The following MSH3 variants were observed in gnomAD, a reference collection of about 807,000 sequenced individuals.
MSH3 encodes DNA mismatch repair protein Msh3.
In MSH3, 106 loss-of-function variants were observed where a neutral mutation model predicts 123.3. The ratio of observed to expected loss-of-function variants is 0.86; its 90% confidence interval spans 0.73 to 1.01. The LOEUF (loss-of-function observed/expected upper bound fraction) is 1.01. MSH3 is among the 50% of genes least tolerant of loss of function. MSH3 has a pLI of 0.00. For missense variants in MSH3, 1,459 were observed against 1,347.6 expected (o/e 1.08, Z -1.29); for synonymous variants, 515 against 481.4 (o/e 1.07, Z -0.91).
intron 2 of MSH3, among the ~76,000 whole-genome samples, chr5:80,657,237 T>A (rs982393943): frequency 1.3e-5 from 2 of 152,110 alleles, no homozygotes; most frequent in African/African-American, 4.8e-5. Context: ...GGTCAGGAGT[T>A]TAAGACCAGC....
At chr5:80,710,957 T>C (rs1750845034) in intron 8 of MSH3, among the ~76,000 whole-genome samples, 1 of 152,192 alleles carries the variant, frequency 6.6e-6, no homozygotes, top group Non-Finnish European at 1.5e-5. Flanking sequence ...TTTAACCTCA[T>C]TGCAGACAGA....
rs572277653 is a variant in MSH3 at position 80,808,734 on chromosome 5, C to T, written c.2656-4850C>T. Among the ~76,000 whole-genome samples, 19 of 151,542 alleles carry T rather than the reference C, an allele frequency of 1.3e-4. No homozygotes were observed. In the South Asian group the frequency reaches 3.7e-3, roughly 30 times the overall value. ...AAATGAAATGCTCAAAGAACATATA[C>T]ATGATTGTATAGTTTTAAAAGCCAG... On this transcript the variant is annotated intron_variant, in intron 19 of 23. Coordinates refer to ENST00000265081, the MANE Select transcript of MSH3 (RefSeq NM_002439.5).
At chr5:80,794,844 A>G (rs1259126129) in intron 19 of MSH3, among the ~76,000 whole-genome samples, 2 of 152,200 alleles carry the variant, frequency 1.3e-5, no homozygotes, top group Non-Finnish European at 2.9e-5. Context: ...TTGAGGACAG[A>G]CAGTGGTAAA....
At chr5:80,797,739 T>C (rs961961608) in intron 19 of MSH3, among the ~76,000 whole-genome samples, 1 of 152,298 alleles carries the variant, frequency 6.6e-6, no homozygotes, top group African/African-American at 2.4e-5. Context: ...AATGGAACAC[T>C]GGATTAAAAG....
At chr5:80,822,854 G>A (rs984739112) in intron 20 of MSH3, among the ~76,000 whole-genome samples, 1 of 152,206 alleles carries the variant, frequency 6.6e-6, no homozygotes, top group Non-Finnish European at 1.5e-5. Context: ...GCTGAGACAT[G>A]CCTTTATCTC....
At chr5:80,772,946 G>A (rs1230127236) in intron 15 of MSH3, among the ~76,000 whole-genome samples, 4 of 152,122 alleles carry the variant, frequency 2.6e-5, no homozygotes, top group Non-Finnish European at 5.9e-5. Context: ...CCTGACTCTC[G>A]CTGTTTTCCC....
chr5:80,783,460 T>A (rs915831071), intron 17 of MSH3, among the ~76,000 whole-genome samples: 2 of 152,150 alleles, frequency 1.3e-5, no homozygotes, highest in Admixed American at 6.5e-5. Flanking sequence ...ATGTTATAGG[T>A]TTATGATAGT....
chr5:80,750,076 A>AGTGTGT (rs1198301474), intron 12 of MSH3, among the ~76,000 whole-genome samples: 1 of 39,858 alleles, frequency 2.5e-5, no homozygotes, highest in Non-Finnish European at 4.1e-5. Context: ...ATAGTATTCC[A>AGTGTGT]GAGTGTGTGT....
intron 12 of MSH3, among the ~76,000 whole-genome samples, chr5:80,750,066 A>C (rs1210170748): frequency 1.9e-5 from 2 of 107,364 alleles, no homozygotes; most frequent in African/African-American, 8.9e-5. Context: ...TTAAGGCTGA[A>C]TAGTATTCCA....
chr5:80,797,373 G>A (rs1194342446), intron 19 of MSH3, among the ~76,000 whole-genome samples: 1 of 152,166 alleles, frequency 6.6e-6, no homozygotes, highest in East Asian at 1.9e-4. Context: ...CACCTAATCA[G>A]ATTTAATAAA....
chr5:80,875,387 G>A (rs1746290438), intron 23 of MSH3, among the ~76,000 whole-genome samples: 1 of 152,084 alleles, frequency 6.6e-6, no homozygotes, highest in Non-Finnish European at 1.5e-5. Flanking sequence ...TTCGGTTGGT[G>A]TTACTTTTCA....
intron 22 of MSH3, 98 bp downstream of exon 22, chr5:80,865,040 G>A: frequency 1.7e-6 from 2 of 1,200,294 alleles, no homozygotes; most frequent in Non-Finnish European, 1.2e-6. Flanking sequence ...AATAATGAAA[G>A]CTGTGAATGT....
chr5:80,725,088 C>A (rs1245451863), intron 8 of MSH3, among the ~76,000 whole-genome samples: 4 of 151,682 alleles, frequency 2.6e-5, no homozygotes, highest in Non-Finnish European at 5.9e-5. Flanking sequence ...ATGGCGGGCA[C>A]CTGTAGCTTC....
chr5:80,659,785 C>G lies in MSH3; in HGVS notation c.358+3254C>G, dbSNP rs528945215. On this transcript the variant is annotated intron_variant, in intron 2 of 23. Transcript: ENST00000265081. Reference sequence around the variant, plus strand: ...TCTGTACCCATTAAACACTGACTCACTGTAACCCCCTTCCCCCAGCCCCTG... The same window carrying G: ...TCTGTACCCATTAAACACTGACTCAGTGTAACCCCCTTCCCCCAGCCCCTG... Among the ~76,000 whole-genome samples, 9 of 152,274 alleles carry G rather than the reference C, an allele frequency of 5.9e-5. No homozygotes were observed. In the East Asian group the frequency reaches 1.7e-3, roughly 29 times the overall value.
chr5:80,699,413 G>T (rs1030294619), intron 8 of MSH3, among the ~76,000 whole-genome samples: 1 of 151,932 alleles, frequency 6.6e-6, no homozygotes, highest in Non-Finnish European at 1.5e-5. Context: ...ACAAAAATTA[G>T]TTGGGTGTGG....
intron 8 of MSH3, among the ~76,000 whole-genome samples, chr5:80,688,537 A>G (rs1448262755): frequency 1.3e-5 from 2 of 152,198 alleles, no homozygotes. Flanking sequence ...TATAGTAGAA[A>G]TCACTTATTA....
chr5:80,703,905 G>T (rs1027447834), intron 8 of MSH3, among the ~76,000 whole-genome samples: 2 of 152,014 alleles, frequency 1.3e-5, no homozygotes, highest in Non-Finnish European at 2.9e-5. Context: ...AATCTCAGGG[G>T]AATCTTTTAT....
At chr5:80,704,575 C>T (rs1388063184) in intron 8 of MSH3, among the ~76,000 whole-genome samples, 2 of 152,118 alleles carry the variant, frequency 1.3e-5, no homozygotes, top group African/African-American at 4.8e-5. Context: ...GATTATGGTG[C>T]TTTTTGCCTG....
intron 20 of MSH3, among the ~76,000 whole-genome samples, chr5:80,822,732 C>G (rs1002059362): frequency 2.6e-5 from 4 of 152,186 alleles, no homozygotes; most frequent in Admixed American, 6.6e-5. Flanking sequence ...AATCCAGGAA[C>G]CTAGAGGCAC....
Sources: allele counts gnomAD v4.1 joint callset (sites outside exome capture counted in the v4.1 genomes callset), GRCh38; gene constraint gnomAD v4.1.1; transcripts MANE v1.5; gene names NCBI Gene and HGNC (gene_info 2026-07-23, HGNC 2026-07-21).